The following LCLAT1 variants were observed in gnomAD, a reference collection of about 807,000 sequenced individuals.
LCLAT1 encodes lysocardiolipin acyltransferase 1, also known as 1-AGP acyltransferase 8.
Under a neutral mutation model 30.7 loss-of-function variants are expected in LCLAT1, and 11 were observed. The observed-to-expected ratio is 0.36, with a 90% CI of 0.23 to 0.59. The LOEUF (loss-of-function observed/expected upper bound fraction) is 0.59, where lower values mean the gene tolerates loss of function less well. Ranked by LOEUF, LCLAT1 falls within the 20% of genes least tolerant of loss-of-function variation. The probability of loss-of-function intolerance (pLI) is 0.77; values close to 1 mark genes in which losing one functional copy is unlikely to be tolerated. For missense variants in LCLAT1, 402 were observed against 458.6 expected, an observed-to-expected ratio of 0.88 and a Z score of 1.13; for synonymous variants, 155 against 151.3, an observed-to-expected ratio of 1.02 and a Z score of -0.18.
In LCLAT1 at chr2:30,515,339, C is replaced by T. The variant is rs139126270; in HGVS notation, c.-4-10248C>T. On this transcript the variant is annotated intron_variant, in intron 1 of 5. Coordinates refer to ENST00000379509, the MANE Select transcript of LCLAT1 (RefSeq NM_001002257.3). ...TTTCGTACTTAGCTTCCCCATTAGA[C>T]TCTGAGAGTAACGCTAGTTGCTAAC... Among the ~76,000 whole-genome samples, 5 of 152,322 alleles carry T rather than the reference C, an allele frequency of 3.3e-5. No homozygotes were observed. The East Asian group carries it at 9.6e-4, about 29-fold the overall frequency.
At chr2:30,584,157 T>A (rs1666328487) in intron 5 of LCLAT1, among the ~76,000 whole-genome samples, 1 of 152,160 alleles carries the variant, frequency 6.6e-6, no homozygotes, top group African/African-American at 2.4e-5. Context: ...GCCATCTTCT[T>A]GGATCCCGTC....
At chr2:30,594,709 T>G (rs1666853241) in intron 5 of LCLAT1, among the ~76,000 whole-genome samples, 1 of 152,204 alleles carries the variant, frequency 6.6e-6, no homozygotes, top group Non-Finnish European at 1.5e-5. Context: ...AAAATTGTAA[T>G]CTTTTTTTCT....
intron 3 of LCLAT1, among the ~76,000 whole-genome samples, chr2:30,558,286 C>T (rs538633334): frequency 5.9e-5 from 9 of 152,094 alleles, no homozygotes; most frequent in East Asian, 5.8e-4. Flanking sequence ...GAAATCTGAA[C>T]GACTAATTTG....
chr2:30,640,181 G>A lies in LCLAT1; in HGVS notation c.693G>A (p.Glu231=). The change falls in exon 6 of 6, where the codon GAG becomes GAA. Residue 231 remains glutamate, a synonymous_variant. Transcript: ENST00000379509. ...VAYPHNIPQS[E]KHLLQGDFPR... is the part of the protein sequence containing the mutation. ...ATCCTCACAACATTCCTCAATCAGAGAAGCACCTCCTCCAAGGAGACTTTC... is the reference window on the plus strand; with the variant it reads ...ATCCTCACAACATTCCTCAATCAGAAAAGCACCTCCTCCAAGGAGACTTTC... 6.2e-7 allele frequency: 1 copy of A among 1,614,082 alleles called. No individual in the cohort carries two copies. Among genetic ancestry groups the A allele is most frequent in the South Asian group, 1.1e-5 (1 of 91,064 alleles).
At chr2:30,492,572 G>GA (rs1409980267) in intron 1 of LCLAT1, among the ~76,000 whole-genome samples, 6 of 111,814 alleles carry the variant, frequency 5.4e-5, no homozygotes, top group South Asian at 5.8e-4. Context: ...AGTTGGGGCA[G>GA]AAAAAAAAAG....
chr2:30,493,737 A>G (rs1033207086), intron 1 of LCLAT1, among the ~76,000 whole-genome samples: 3 of 152,208 alleles, frequency 2.0e-5, no homozygotes, highest in African/African-American at 4.8e-5. Context: ...GGACTAGAAT[A>G]ATGGGGGCTA....
intron 5 of LCLAT1, among the ~76,000 whole-genome samples, chr2:30,634,005 G>T (rs1668898698): frequency 6.6e-6 from 1 of 152,172 alleles, no homozygotes; most frequent in Admixed American, 6.5e-5. Context: ...AGCTTGATGT[G>T]CTCAGAGACA....
intron 5 of LCLAT1, among the ~76,000 whole-genome samples, chr2:30,611,826 T>A (rs1048723472): frequency 5.9e-5 from 9 of 152,204 alleles, no homozygotes. Flanking sequence ...TCAAGTGAAG[T>A]ACTGTGGTCA....
At chr2:30,458,030 C>T (rs1681919118) in intron 1 of LCLAT1, among the ~76,000 whole-genome samples, 2 of 150,772 alleles carry the variant, frequency 1.3e-5, no homozygotes, top group East Asian at 1.9e-4. Flanking sequence ...CCTGAGACTT[C>T]ATTTCATATT....
chr2:30,599,285 G>A (rs891866655), intron 5 of LCLAT1, among the ~76,000 whole-genome samples: 1 of 152,150 alleles, frequency 6.6e-6, no homozygotes. Context: ...CCCGGCCTTT[G>A]AGTTTCATTA....
At chr2:30,484,899 C>CTATGGTATGATATGT (rs1244785677) in intron 1 of LCLAT1, among the ~76,000 whole-genome samples, 7 of 152,180 alleles carry the variant, frequency 4.6e-5, no homozygotes, top group Non-Finnish European at 8.8e-5. Context: ...ACATCTTTTA[C>CTATGGTATGATATGT]TATGGTATGA....
intron 1 of LCLAT1, among the ~76,000 whole-genome samples, chr2:30,454,697 C>T (rs1168946217): frequency 6.6e-6 from 1 of 151,772 alleles, no homozygotes; most frequent in Non-Finnish European, 1.5e-5. Flanking sequence ...GATTCTCCCT[C>T]TTCGACCTCC....
intron 5 of LCLAT1, among the ~76,000 whole-genome samples, chr2:30,570,179 C>A (rs1665720300): frequency 6.6e-6 from 1 of 152,146 alleles, no homozygotes; most frequent in Non-Finnish European, 1.5e-5. Context: ...TTAGTCATCA[C>A]TCCAGGCACT....
At chr2:30,618,322 G>A (rs1668089443) in intron 5 of LCLAT1, among the ~76,000 whole-genome samples, 1 of 151,992 alleles carries the variant, frequency 6.6e-6, no homozygotes, top group Admixed American at 6.6e-5. Context: ...TTTTTATTAG[G>A]ATTACTTTGA....
At chr2:30,609,944 A>G (rs949231496) in intron 5 of LCLAT1, among the ~76,000 whole-genome samples, 4 of 152,132 alleles carry the variant, frequency 2.6e-5, no homozygotes, top group African/African-American at 9.7e-5. Flanking sequence ...TTAGTGAGCA[A>G]TTATTAAACT....
chr2:30,468,911 G>T (rs542333813), intron 1 of LCLAT1, among the ~76,000 whole-genome samples: 1 of 152,262 alleles, frequency 6.6e-6, no homozygotes, highest in East Asian at 1.9e-4. Flanking sequence ...CCTTACCAAT[G>T]CTTGTTATTT....
At chr2:30,491,446 A>T (rs1262300894) in intron 1 of LCLAT1, among the ~76,000 whole-genome samples, 2 of 152,178 alleles carry the variant, frequency 1.3e-5, no homozygotes, top group Non-Finnish European at 2.9e-5. Context: ...TTGTTAGTCG[A>T]GTGAGTAATG....
chr2:30,609,824 C>A (rs1017846407), intron 5 of LCLAT1, among the ~76,000 whole-genome samples: 2 of 152,044 alleles, frequency 1.3e-5, no homozygotes, highest in African/African-American at 4.8e-5. Context: ...ATATGTTGTA[C>A]TTCAACTAGA....
intron 1 of LCLAT1, among the ~76,000 whole-genome samples, chr2:30,461,832 G>A (rs956417324): frequency 7.0e-6 from 1 of 143,674 alleles, no homozygotes; most frequent in African/African-American, 2.6e-5. Flanking sequence ...GTGCAGTGGC[G>A]CGATCTCGGC....
Sources: allele counts gnomAD v4.1 joint callset (sites outside exome capture counted in the v4.1 genomes callset), GRCh38; gene constraint gnomAD v4.1.1; transcripts MANE v1.5; gene names NCBI Gene and HGNC (gene_info 2026-07-23, HGNC 2026-07-21).